Variants in ACTR3C observed in about 807,000 individuals in gnomAD.
ACTR3C encodes the protein actin-related protein 3C.
In ACTR3C, 18 loss-of-function variants were observed where a neutral mutation model predicts 26.3. The observed-to-expected ratio is 0.68, with a 90% CI of 0.47 to 1.01. The LOEUF is 1.01. Ranked by LOEUF, ACTR3C falls within the 50% of genes least tolerant of loss-of-function variation. The pLI is 0.00. For synonymous variants in ACTR3C, 55 were observed against 94.5 expected, an observed-to-expected ratio of 0.58 and a Z score of 2.42; for missense variants, 184 against 250.7, an observed-to-expected ratio of 0.73 and a Z score of 1.80.
chr7:150,317,866 C>G lies in ACTR3C; in HGVS notation c.-52+5603G>C, dbSNP rs571830382. 4.6e-5 allele frequency among the ~76,000 whole-genome samples: 7 copies of G among 151,966 alleles called. No individual in the cohort carries two copies. The East Asian group carries it at 9.7e-4, about 21-fold the overall frequency. ...TCTTTAAATCTATGACCACCAAGAA[C>G]ACATCTGCAGTTGAATGGGGTTGGG... On this transcript the variant is annotated intron_variant, in intron 1 of 7. Transcript: ENST00000683684.
At chr7:150,273,222 G>A (rs1372254117) in intron 6 of ACTR3C, among the ~76,000 whole-genome samples, 1 of 145,818 alleles carries the variant, frequency 6.9e-6, no homozygotes, top group Non-Finnish European at 1.5e-5. Flanking sequence ...TGTTTTCAAA[G>A]TAATGACAGA....
intron 6 of ACTR3C, among the ~76,000 whole-genome samples, chr7:150,254,112 C>G (rs1187599634): frequency 4.6e-5 from 7 of 152,068 alleles, no homozygotes; most frequent in African/African-American, 1.7e-4. Context: ...TTTCCTGTAC[C>G]CACCTGCAAA....
chr7:150,010,777 C>T, the ACTR3C span, among the ~76,000 whole-genome samples: 1 of 149,884 alleles, frequency 6.7e-6, no homozygotes, highest in East Asian at 1.9e-4. Flanking sequence ...CTGGTCCATG[C>T]TCAGAAACGA....
At chr7:150,199,119 T>C in the ACTR3C span, among the ~76,000 whole-genome samples, 1 of 150,310 alleles carries the variant, frequency 6.7e-6, no homozygotes, top group African/African-American at 2.5e-5. Context: ...CAACAGCTCA[T>C]TGAGAACGGG....
the ACTR3C span, among the ~76,000 whole-genome samples, chr7:150,005,684 C>G: frequency 6.9e-6 from 1 of 145,182 alleles, no homozygotes; most frequent in Non-Finnish European, 1.6e-5. Flanking sequence ...TCTTAGGGAC[C>G]CTTGCCTGTC....
chr7:150,143,766 G>A, the ACTR3C span, among the ~76,000 whole-genome samples: 1 of 152,206 alleles, frequency 6.6e-6, no homozygotes, highest in Non-Finnish European at 1.5e-5. Context: ...AGAGGGCAGC[G>A]GCCAGACCCA....
the ACTR3C span, among the ~76,000 whole-genome samples, chr7:150,222,464 G>A: frequency 2.6e-5 from 4 of 152,020 alleles, no homozygotes; most frequent in South Asian, 6.2e-4. Flanking sequence ...ACTACCAACT[G>A]CCTGCAACAA....
chr7:150,129,464 A>G, the ACTR3C span, among the ~76,000 whole-genome samples: 1 of 152,210 alleles, frequency 6.6e-6, no homozygotes, highest in Non-Finnish European at 1.5e-5. Context: ...ATTTGCAGAT[A>G]AAATGAACAG....
chr7:150,248,786 T>G (rs1462725876), intron 7 of ACTR3C, 162 bp downstream of exon 7: 4 of 365,730 alleles, frequency 1.1e-5, no homozygotes, highest in Non-Finnish European at 1.9e-5. Context: ...GACTCCAACA[T>G]AAAGATGACT....
the ACTR3C span, among the ~76,000 whole-genome samples, chr7:150,048,530 G>A: frequency 6.6e-6 from 1 of 152,290 alleles, no homozygotes; most frequent in East Asian, 1.9e-4. Flanking sequence ...CGGCCCCGCC[G>A]AAGGTAGTGC....
intron 4 of ACTR3C, among the ~76,000 whole-genome samples, chr7:150,289,143 A>G (rs1383740401): frequency 6.6e-6 from 1 of 152,110 alleles, no homozygotes; most frequent in Admixed American, 6.5e-5. Flanking sequence ...GGCAGTATGG[A>G]AGGAGCGCTC....
the ACTR3C span, among the ~76,000 whole-genome samples, chr7:150,070,939 C>T: frequency 2.0e-5 from 3 of 148,308 alleles, no homozygotes; most frequent in South Asian, 2.1e-4. Context: ...GGACTACAGG[C>T]GCCCGCCACC....
chr7:150,299,464 CAAAAAAAAA>C (rs759969034), intron 1 of ACTR3C, among the ~76,000 whole-genome samples: 2 of 14,114 alleles, frequency 1.4e-4, no homozygotes, highest in South Asian at 4.7e-3. Context: ...GACCCCCTCT[CAAAAAAAAA>C]AAAAAAAAAA....
intron 6 of ACTR3C, among the ~76,000 whole-genome samples, chr7:150,278,262 G>C (rs985002597): frequency 6.6e-6 from 1 of 152,318 alleles, no homozygotes; most frequent in Admixed American, 6.5e-5. Context: ...GACCTGAGTT[G>C]ATCTGAGTCG....
the ACTR3C span, among the ~76,000 whole-genome samples, chr7:149,915,166 G>A: frequency 6.2e-4 from 95 of 152,234 alleles, no homozygotes; most frequent in Admixed American, 2.9e-3. Context: ...ATGAGCCACC[G>A]CGCATGGCAA....
the ACTR3C span, chr7:150,002,284 T>C: frequency 6.6e-6 from 1 of 152,188 alleles, no homozygotes; most frequent in Admixed American, 6.5e-5. Context: ...AACTGTGAGA[T>C]CACCGCAAAC....
chr7:150,037,738 GGCTCT>G, the ACTR3C span, among the ~76,000 whole-genome samples: 1 of 41,506 alleles, frequency 2.4e-5, no homozygotes, highest in South Asian at 7.9e-4. Flanking sequence ...AAGAGGGTCT[GGCTCT>G]CAGTCCCCAC....
the ACTR3C span, among the ~76,000 whole-genome samples, chr7:149,897,563 C>T: frequency 6.6e-6 from 1 of 152,156 alleles, no homozygotes; most frequent in East Asian, 1.9e-4. Flanking sequence ...AATAACAACA[C>T]AGCTATAAGA....
At chr7:149,912,163 A>C in the ACTR3C span, among the ~76,000 whole-genome samples, 1 of 151,816 alleles carries the variant, frequency 6.6e-6, no homozygotes, top group African/African-American at 2.4e-5. Context: ...CAAATGGTAA[A>C]TCTAGTAGAT....
Sources: gnomAD v4.1 joint callset for allele counts (sites outside exome capture counted in the v4.1 genomes callset) on GRCh38, gnomAD v4.1.1 for gene constraint, MANE v1.5 for transcripts, NCBI Gene and HGNC (gene_info 2026-07-23, HGNC 2026-07-21) for gene names.